The following JAZF1 variants were observed in gnomAD, a reference collection of about 807,000 sequenced individuals.
JAZF1 encodes the protein JAZF zinc finger 1.
Under a neutral mutation model 26.4 loss-of-function variants are expected in JAZF1, and 8 were observed. That is an observed-to-expected ratio of 0.30 (90% CI 0.18 to 0.55). The LOEUF (loss-of-function observed/expected upper bound fraction) is 0.55, where lower values mean the gene tolerates loss of function less well. JAZF1 is among the 20% of genes least tolerant of loss of function. JAZF1 has a pLI of 0.94. For synonymous variants in JAZF1, 126 were observed against 122.3 expected, an observed-to-expected ratio of 1.03 and a Z score of -0.20; for missense variants, 199 against 322.0, an observed-to-expected ratio of 0.62 and a Z score of 2.92.
intron 3 of JAZF1, among the ~76,000 whole-genome samples, chr7:27,886,091 T>C (rs893122858): frequency 6.6e-6 from 1 of 152,238 alleles, no homozygotes; most frequent in Non-Finnish European, 1.5e-5. Context: ...GGGATATTCC[T>C]ATGCTGATTT....
intron 1 of JAZF1, among the ~76,000 whole-genome samples, chr7:28,107,079 T>G (rs1784564057): frequency 6.6e-6 from 1 of 152,230 alleles, no homozygotes; most frequent in Admixed American, 6.5e-5. Context: ...GCATCTAAGC[T>G]TTGATGACTC....
At chr7:27,834,427 C>CA (rs1782767071) in intron 4 of JAZF1, among the ~76,000 whole-genome samples, 1 of 152,330 alleles carries the variant, frequency 6.6e-6, no homozygotes, top group African/African-American at 2.4e-5. Flanking sequence ...TGGCTATGCT[C>CA]AGAGTCTGAA....
At chr7:27,979,932 C>T (rs1327997533) in intron 2 of JAZF1, among the ~76,000 whole-genome samples, 1 of 152,204 alleles carries the variant, frequency 6.6e-6, no homozygotes, top group Non-Finnish European at 1.5e-5. Flanking sequence ...GGTTACCTCT[C>T]TCATAGAGTT....
chr7:27,939,090 T>C (rs1056078507), intron 2 of JAZF1, among the ~76,000 whole-genome samples: 4 of 152,166 alleles, frequency 2.6e-5, no homozygotes, highest in African/African-American at 9.7e-5. Context: ...CTAAAACACC[T>C]TGTGTTGCAG....
intron 2 of JAZF1, among the ~76,000 whole-genome samples, chr7:27,908,708 A>G (rs1784306010): frequency 6.6e-6 from 1 of 152,212 alleles, no homozygotes; most frequent in Non-Finnish European, 1.5e-5. Context: ...CTGTAAGAAC[A>G]ACAAATGACT....
At chr7:28,091,587 G>A (rs1218785133) in intron 1 of JAZF1, among the ~76,000 whole-genome samples, 1 of 148,514 alleles carries the variant, frequency 6.7e-6, no homozygotes, top group East Asian at 1.9e-4. Flanking sequence ...AGATTTCAAT[G>A]TAAGTTAAAT....
chr7:28,044,070 G>A (rs975729132), intron 1 of JAZF1, among the ~76,000 whole-genome samples: 1 of 152,116 alleles, frequency 6.6e-6, no homozygotes, highest in African/African-American at 2.4e-5. Context: ...GCCGATGGTT[G>A]TACATTACTG....
Position 27,983,019 on chromosome 7 carries a change from A to C in JAZF1, c.188+8890T>G, listed in dbSNP as rs191670654. ...CCAGAGCAGAAAAGCTGAAAATTCT[A>C]AAAATCAGAGCTCCTCTTCTCCTTC... On this transcript the variant is annotated intron_variant, in intron 2 of 4. Transcript: ENST00000283928. 1.3e-4 allele frequency among the ~76,000 whole-genome samples: 20 copies of C among 152,352 alleles called. No homozygotes were observed. The East Asian group carries it at 3.9e-3, about 29-fold the overall frequency.
intron 2 of JAZF1, among the ~76,000 whole-genome samples, chr7:27,912,490 A>T (rs1483486225): frequency 6.6e-6 from 1 of 152,162 alleles, no homozygotes; most frequent in Non-Finnish European, 1.5e-5. Flanking sequence ...GAACGATAGG[A>T]GTCCGAAACT....
chr7:27,850,118 G>A (rs1256193591), intron 3 of JAZF1, among the ~76,000 whole-genome samples: 2 of 152,186 alleles, frequency 1.3e-5, no homozygotes, highest in African/African-American at 2.4e-5. Flanking sequence ...TGCAGTGACA[G>A]CAAATTAAAA....
At chr7:27,934,104 C>T (rs776632953) in intron 2 of JAZF1, among the ~76,000 whole-genome samples, 2 of 152,184 alleles carry the variant, frequency 1.3e-5, no homozygotes, top group Non-Finnish European at 2.9e-5. Context: ...ACATGGAGAT[C>T]TTACAGTTGA....
At chr7:28,031,442 C>A (rs1277869493) in intron 1 of JAZF1, among the ~76,000 whole-genome samples, 1 of 152,152 alleles carries the variant, frequency 6.6e-6, no homozygotes, top group Non-Finnish European at 1.5e-5. Context: ...CAATATCCCA[C>A]CCCTCAGCCC....
rs570321435 is a variant in JAZF1, at chr7:27,922,650, A to T, written c.189-27234T>A. Among the ~76,000 whole-genome samples the T allele has an allele frequency of 3.3e-5, 5 of 151,144 alleles. No homozygotes were observed. In the East Asian group the frequency reaches 9.6e-4, roughly 29 times the overall value. On this transcript the variant is annotated intron_variant, in intron 2 of 4. Coordinates refer to ENST00000283928, the MANE Select transcript of JAZF1 (RefSeq NM_175061.4). ...TTCCTAATATTTTCAAGTCAGCAAA[A>T]GTACTAACAGCTTTTAATAATGGGT... is the stretch of plus-strand genomic sequence containing the variant.
chr7:28,130,142 T>G (rs1452915505), intron 1 of JAZF1, among the ~76,000 whole-genome samples: 1 of 152,226 alleles, frequency 6.6e-6, no homozygotes, highest in East Asian at 1.9e-4. Flanking sequence ...CTTTACTAGC[T>G]CATTAGCTCA....
At chr7:27,890,565 A>G (rs115157824) in intron 3 of JAZF1, among the ~76,000 whole-genome samples, 1 of 152,156 alleles carries the variant, frequency 6.6e-6, no homozygotes, top group African/African-American at 2.4e-5. Context: ...GGTATACTGG[A>G]AAGAGCTTAT....
chr7:27,875,943 C>CA (rs988981427), intron 3 of JAZF1, among the ~76,000 whole-genome samples: 1 of 152,216 alleles, frequency 6.6e-6, no homozygotes, highest in African/African-American at 2.4e-5. Context: ...CCTAAGTCCT[C>CA]AGAGGCAGCA....
chr7:27,962,853 T>C (rs1245722247), intron 2 of JAZF1, among the ~76,000 whole-genome samples: 1 of 152,244 alleles, frequency 6.6e-6, no homozygotes, highest in Non-Finnish European at 1.5e-5. Flanking sequence ...ACTTTGGCCC[T>C]TGCTGTGGAA....
chr7:27,928,028 AT>A (rs1359243235), intron 2 of JAZF1, among the ~76,000 whole-genome samples: 1 of 152,198 alleles, frequency 6.6e-6, no homozygotes, highest in Non-Finnish European at 1.5e-5. Flanking sequence ...TGAATAGTTC[AT>A]TTGTATTTAT....
intron 2 of JAZF1, among the ~76,000 whole-genome samples, chr7:27,914,021 A>C (rs1784404712): frequency 6.6e-6 from 1 of 152,236 alleles, no homozygotes; most frequent in African/African-American, 2.4e-5. Flanking sequence ...TTTAAAGCAC[A>C]GTAAAATCGA....
Sources: gnomAD v4.1 joint callset for allele counts (sites outside exome capture counted in the v4.1 genomes callset) on GRCh38, gnomAD v4.1.1 for gene constraint, MANE v1.5 for transcripts, NCBI Gene and HGNC (gene_info 2026-07-23, HGNC 2026-07-21) for gene names.